Variants in HNF4A observed in about 807,000 individuals in gnomAD.
HNF4A encodes hepatocyte nuclear factor 4 alpha.
In HNF4A, 15 loss-of-function variants were observed where a neutral mutation model predicts 52.4. The ratio of observed to expected loss-of-function variants is 0.29; its 90% CI spans 0.19 to 0.44. HNF4A has a LOEUF of 0.44. HNF4A is among the 20% of genes least tolerant of loss of function. The pLI is 1.00. For synonymous variants in HNF4A, 280 were observed against 264.4 expected, an observed-to-expected ratio of 1.06 and a Z score of -0.57; for missense variants, 479 against 647.2, an observed-to-expected ratio of 0.74 and a Z score of 2.82.
intron 1 of HNF4A, among the ~76,000 whole-genome samples, chr20:44,381,468 G>T (rs555081720): frequency 6.6e-6 from 1 of 151,952 alleles, no homozygotes; most frequent in East Asian, 1.9e-4. Flanking sequence ...TTTAGTAGAC[G>T]GGGTTTCACC....
At chr20:44,393,772 A>G (rs2063327913) in intron 1 of HNF4A, among the ~76,000 whole-genome samples, 1 of 152,224 alleles carries the variant, frequency 6.6e-6, no homozygotes, top group Admixed American at 6.5e-5. Flanking sequence ...AAGTATTATA[A>G]TTCCCAATTT....
At chr20:44,374,843 T>G (rs937576422) in intron 1 of HNF4A, among the ~76,000 whole-genome samples, 8 of 152,246 alleles carry the variant, frequency 5.3e-5, no homozygotes, top group African/African-American at 1.9e-4. Flanking sequence ...CATTTTCCTT[T>G]GGTTATATAC....
intron 1 of HNF4A, among the ~76,000 whole-genome samples, chr20:44,376,515 A>G (rs994234849): frequency 2.6e-5 from 4 of 152,074 alleles, no homozygotes; most frequent in Admixed American, 1.3e-4. Context: ...CCACCTCTCA[A>G]TTTTGTCAAA....
At chr20:44,421,669 G>A (rs893957399) in intron 7 of HNF4A, among the ~76,000 whole-genome samples, 2 of 151,514 alleles carry the variant, frequency 1.3e-5, no homozygotes, top group Non-Finnish European at 2.9e-5. Context: ...CAGGAGAATC[G>A]CTTGAACCTG....
intron 7 of HNF4A, among the ~76,000 whole-genome samples, chr20:44,422,891 C>T (rs2063766052): frequency 6.6e-6 from 1 of 151,870 alleles, no homozygotes; most frequent in Admixed American, 6.6e-5. Flanking sequence ...ATTGACCAGG[C>T]TGGTCTCAAA....
exon 1 of HNF4A, chr20:44,355,751 G>T: frequency 6.4e-7 from 1 of 1,564,832 alleles, no homozygotes; most frequent in South Asian, 1.1e-5. Flanking sequence ...CTGCTGCTGT[G>T]AGCGGGCCCC....
In HNF4A at chr20:44,407,389, G is replaced by A. The variant is rs371557531; in HGVS notation, c.299G>A (p.Arg100Gln). ...TCCAAAGCCCTCCCCAGATTTAGCC[G>A]GCAGTGCGTGGTGGACAAAGACAAG... Residue 100 changes from arginine to glutamine, a missense_variant, in exon 3 of 10, where the codon CGG (arginine) becomes CAG (glutamine). Physicochemically the swap from Arg to Gln is conservative, Grantham distance 43 (BLOSUM62 1). Around this residue, in one of 3 missense-constraint regions of HNF4A, gnomAD observed 389 missense variants for 525.1 expected, o/e 0.74. Coordinates refer to ENST00000316099, the MANE Select transcript of HNF4A (RefSeq NM_000457.6). The A allele has an allele frequency of 1.2e-5, 20 of 1,609,764 alleles. No homozygotes were observed. The highest frequency in any genetic ancestry group is 6.7e-5 in the African/African-American group (5 of 74,796).
In HNF4A at chr20:44,432,739, C is replaced by T. The variant is rs1017755590; in HGVS notation, c.*3074C>T. The T allele has an allele frequency of 6.6e-6, 1 of 152,102 alleles. No individual in the cohort carries two copies. The highest frequency in any genetic ancestry group is 1.5e-5 in the Non-Finnish European group (1 of 68,020). The allele number at this position is 152,102 out of a possible 1,614,324, so 9.4% of individuals were successfully genotyped here. On this transcript the variant is annotated 3_prime_UTR_variant, in exon 10 of 10. Transcript: ENST00000316099. ...TTAGGTCTTGCGCTGACCCCTGAGCCCCCATCACTGCCGCCTGATGGGGCA... is the reference window on the plus strand; with the variant it reads ...TTAGGTCTTGCGCTGACCCCTGAGCTCCCATCACTGCCGCCTGATGGGGCA...
At chr20:44,413,319 C>A (rs1444190943) in intron 3 of HNF4A, among the ~76,000 whole-genome samples, 1 of 152,176 alleles carries the variant, frequency 6.6e-6, no homozygotes, top group Non-Finnish European at 1.5e-5. Flanking sequence ...GTTTTGCTTG[C>A]TTTACTCACT....
At position 44,407,429 on chromosome 20, in the gene HNF4A, C is replaced by T; in HGVS notation, c.339C>T (p.Arg113=). ...ACAAAGACAAGAGGAACCAGTGCCG[C>T]TACTGCAGGCTCAAGAAATGCTTCC... The change falls in exon 3 of 10, where the codon CGC becomes CGT. Residue 113 remains arginine (R), a synonymous_variant. Coordinates refer to ENST00000316099, the MANE Select transcript of HNF4A (RefSeq NM_000457.6). 1 of 1,610,548 alleles carries T rather than the reference C, an allele frequency of 6.2e-7. No individual in the cohort carries two copies. The highest frequency in any genetic ancestry group is 2.2e-5 in the East Asian group (1 of 44,800).
At chr20:44,355,730 T>A in exon 1 of HNF4A, 1 of 1,366,934 alleles carries the variant, frequency 7.3e-7, no homozygotes, top group Non-Finnish European at 1.0e-6. Context: ...GACGGGCTCC[T>A]GGTGGCTGTG....
At chr20:44,421,875 T>TA (rs2063751532) in intron 7 of HNF4A, among the ~76,000 whole-genome samples, 2 of 147,576 alleles carry the variant, frequency 1.4e-5, no homozygotes, top group Non-Finnish European at 3.0e-5. Context: ...GTGATATATA[T>TA]TTTATATATA....
upstream of HNF4A, among the ~76,000 whole-genome samples, chr20:44,399,740 T>G (rs1264006795): frequency 6.6e-6 from 1 of 152,174 alleles, no homozygotes; most frequent in Non-Finnish European, 1.5e-5. Context: ...ATTCACTCAC[T>G]CATTCATGCA....
intron 1 of HNF4A, among the ~76,000 whole-genome samples, chr20:44,359,375 G>A (rs1337424226): frequency 6.6e-6 from 1 of 152,094 alleles, no homozygotes; most frequent in African/African-American, 2.4e-5. Flanking sequence ...GAGGAGAAGA[G>A]GTTTTCCTCA....
At chr20:44,379,838 A>T (rs187254258) in intron 1 of HNF4A, among the ~76,000 whole-genome samples, 173 of 147,346 alleles carry the variant, frequency 1.2e-3, no homozygotes, top group African/African-American at 4.1e-3. Flanking sequence ...GGTTCAAGCG[A>T]TTCTCCTACC....
intron 8 of HNF4A, among the ~76,000 whole-genome samples, chr20:44,425,072 C>T (rs988954465): frequency 6.6e-6 from 1 of 152,072 alleles, no homozygotes; most frequent in African/African-American, 2.4e-5. Flanking sequence ...ACCTCCACCT[C>T]CCGAGTTCAA....
At chr20:44,428,269 T>C (rs1321321450) in intron 8 of HNF4A, 66 bp from the exon 9 acceptor site, 87 of 1,546,516 alleles carry the variant, frequency 5.6e-5, no homozygotes, top group Non-Finnish European at 7.2e-5. Flanking sequence ...CTGAGGAAGA[T>C]GGCGTCCCAA....
chr20:44,399,068 G>A (rs1377537864), upstream of HNF4A, among the ~76,000 whole-genome samples: 1 of 152,194 alleles, frequency 6.6e-6, no homozygotes, highest in African/African-American at 2.4e-5. Context: ...CATCTCTTCT[G>A]TGTTTACCCC....
chr20:44,382,828 A>G (rs950052180), intron 1 of HNF4A, among the ~76,000 whole-genome samples: 4 of 152,148 alleles, frequency 2.6e-5, no homozygotes, highest in African/African-American at 9.7e-5. Flanking sequence ...CAGGTGATTT[A>G]TTTTTAACCA....
Sources: allele counts gnomAD v4.1 joint callset (sites outside exome capture counted in the v4.1 genomes callset), GRCh38; gene constraint gnomAD v4.1.1; regional missense constraint gnomAD v4.1.1; transcripts MANE v1.5; gene names NCBI Gene and HGNC (gene_info 2026-07-23, HGNC 2026-07-21).